Variants in KCND2 observed in about 807,000 individuals in gnomAD.
KCND2 encodes the protein potassium voltage-gated channel subfamily D member 2.
Under a neutral mutation model 54.4 loss-of-function variants are expected in KCND2, and 16 were observed. The ratio of observed to expected loss-of-function variants is 0.29; its 90% CI spans 0.20 to 0.45. The LOEUF (loss-of-function observed/expected upper bound fraction) is 0.45. KCND2 is among the 20% of genes least tolerant of loss of function. The pLI is 1.00. For missense variants in KCND2, 486 were observed against 824.2 expected (o/e 0.59, Z 5.02); for synonymous variants, 317 against 310.7 (o/e 1.02, Z -0.21).
At chr7:120,285,218 T>C (rs1378435926) in intron 1 of KCND2, among the ~76,000 whole-genome samples, 1 of 152,112 alleles carries the variant, frequency 6.6e-6, no homozygotes, top group East Asian at 1.9e-4. Flanking sequence ...CAATGCAGAA[T>C]ATTTTATTGT....
At chr7:120,372,366 A>T (rs75138950) in intron 1 of KCND2, among the ~76,000 whole-genome samples, 1,771 of 151,994 alleles carry the variant, frequency 0.012, 41 homozygotes, top group African/African-American at 0.041. Context: ...TGAAAAAAAA[A>T]TGCAGAATTC....
intron 1 of KCND2, among the ~76,000 whole-genome samples, chr7:120,600,446 G>T (rs1792799943): frequency 6.6e-6 from 1 of 151,884 alleles, no homozygotes; most frequent in Non-Finnish European, 1.5e-5. Context: ...ACTAGAATAA[G>T]TTCTACTAAA....
At chr7:120,479,225 T>C (rs1802569315) in intron 1 of KCND2, among the ~76,000 whole-genome samples, 1 of 152,130 alleles carries the variant, frequency 6.6e-6, no homozygotes, top group Non-Finnish European at 1.5e-5. Context: ...CAATGTGTCC[T>C]CCGCTACCTT....
intron 1 of KCND2, among the ~76,000 whole-genome samples, chr7:120,559,304 T>C (rs1472252711): frequency 6.6e-6 from 1 of 152,148 alleles, no homozygotes; most frequent in African/African-American, 2.4e-5. Flanking sequence ...ATTAGCCGAG[T>C]GTGTTGTATT....
At chr7:120,701,771 G>A (rs1373976926) in intron 1 of KCND2, among the ~76,000 whole-genome samples, 1 of 152,032 alleles carries the variant, frequency 6.6e-6, no homozygotes, top group Non-Finnish European at 1.5e-5. Context: ...AAACTGGGGG[G>A]TGGGACCCCT....
At chr7:120,315,531 C>T (rs2402526) in intron 1 of KCND2, among the ~76,000 whole-genome samples, 100,443 of 151,844 alleles carry the variant, frequency 0.66, 38,086 homozygotes, top group South Asian at 0.91. Context: ...CAGTGAATCT[C>T]GGTGTCGATT....
At chr7:120,475,917 A>G (rs1802527632) in intron 1 of KCND2, among the ~76,000 whole-genome samples, 1 of 152,214 alleles carries the variant, frequency 6.6e-6, no homozygotes, top group Non-Finnish European at 1.5e-5. Flanking sequence ...ACATACTGAC[A>G]ATTGCCAGAA....
At chr7:120,637,993 A>G (rs896470004) in intron 1 of KCND2, among the ~76,000 whole-genome samples, 1 of 152,124 alleles carries the variant, frequency 6.6e-6, no homozygotes, top group Non-Finnish European at 1.5e-5. Flanking sequence ...AGGAAATGGT[A>G]AAGAAAAATC....
chr7:120,394,128 G>A (rs772767020), intron 1 of KCND2, among the ~76,000 whole-genome samples: 15 of 152,038 alleles, frequency 9.9e-5, no homozygotes, highest in East Asian at 5.8e-4. Context: ...CACTGAGACC[G>A]CATCATTGAA....
At chr7:120,643,394 C>A (rs1480357094) in intron 1 of KCND2, among the ~76,000 whole-genome samples, 1 of 151,958 alleles carries the variant, frequency 6.6e-6, no homozygotes, top group Non-Finnish European at 1.5e-5. Context: ...TTTTTAAAAA[C>A]AATTAACATA....
At chr7:120,704,863 G>A (rs955396355) in intron 1 of KCND2, among the ~76,000 whole-genome samples, 1 of 152,112 alleles carries the variant, frequency 6.6e-6, no homozygotes, top group Non-Finnish European at 1.5e-5. Flanking sequence ...AATGCATGTA[G>A]AGCATAGCAG....
chr7:120,627,104 C>T (rs767173009), intron 1 of KCND2, among the ~76,000 whole-genome samples: 11 of 152,168 alleles, frequency 7.2e-5, no homozygotes. Context: ...AAGTACTTAG[C>T]ACAGCAGAAA....
chr7:120,615,402 T>G (rs892652106), intron 1 of KCND2, among the ~76,000 whole-genome samples: 3 of 152,194 alleles, frequency 2.0e-5, no homozygotes, highest in African/African-American at 7.2e-5. Flanking sequence ...TAAGACAATT[T>G]CACATATAAA....
At chr7:120,681,784 T>C (rs1276369266) in intron 1 of KCND2, among the ~76,000 whole-genome samples, 1 of 152,102 alleles carries the variant, frequency 6.6e-6, no homozygotes, top group Non-Finnish European at 1.5e-5. Flanking sequence ...ATGCTGGTTT[T>C]ATATCAGAAA....
chr7:120,338,703 T>A (rs1349866896), intron 1 of KCND2, among the ~76,000 whole-genome samples: 5 of 152,194 alleles, frequency 3.3e-5, no homozygotes, highest in Non-Finnish European at 7.3e-5. Flanking sequence ...ACATTTGATA[T>A]GTTTTTAAAT....
At chr7:120,427,236 A>G (rs929926383) in intron 1 of KCND2, among the ~76,000 whole-genome samples, 5 of 152,124 alleles carry the variant, frequency 3.3e-5, no homozygotes, top group African/African-American at 9.7e-5. Context: ...TATAACACAA[A>G]AGGACACCAA....
At chr7:120,642,501 G>A (rs1793389346) in intron 1 of KCND2, among the ~76,000 whole-genome samples, 1 of 151,348 alleles carries the variant, frequency 6.6e-6, no homozygotes, top group South Asian at 2.1e-4. Context: ...GGTGGGGGTT[G>A]CAGTGAGCTG....
intron 1 of KCND2, among the ~76,000 whole-genome samples, chr7:120,503,163 A>G (rs1802961607): frequency 6.6e-6 from 1 of 152,062 alleles, no homozygotes; most frequent in Admixed American, 6.6e-5. Flanking sequence ...ACATCCTAAA[A>G]TGGATCAAAT....
At chr7:120,446,361 G>A (rs1050161479) in intron 1 of KCND2, among the ~76,000 whole-genome samples, 1 of 152,130 alleles carries the variant, frequency 6.6e-6, no homozygotes, top group Admixed American at 6.6e-5. Context: ...ACATCTTGCA[G>A]TTGATCCTTA....
Sources: gnomAD v4.1 joint callset for allele counts (sites outside exome capture counted in the v4.1 genomes callset) on GRCh38, gnomAD v4.1.1 for gene constraint, MANE v1.5 for transcripts, NCBI Gene and HGNC (gene_info 2026-07-23, HGNC 2026-07-21) for gene names.